The following TMC1 variants were observed in gnomAD, a reference collection of about 807,000 sequenced individuals.
TMC1 encodes transmembrane channel like 1.
TMC1 carries 84 observed loss-of-function variants against 105.8 expected under a neutral mutation model. That is an observed-to-expected ratio of 0.79 (90% CI 0.67 to 0.95). The LOEUF (loss-of-function observed/expected upper bound fraction) is 0.95. Among genes scored for constraint, TMC1 ranks in the 40% least tolerant of loss-of-function variants. The probability of loss-of-function intolerance (pLI) is 0.00; values close to 1 mark genes in which losing one functional copy is unlikely to be tolerated. For missense variants in TMC1, 817 were observed against 914.1 expected (o/e 0.89, Z 1.37); for synonymous variants, 315 against 311.5 (o/e 1.01, Z -0.12).
chr9:72,555,186 T>C (rs988296759), intron 1 of TMC1, among the ~76,000 whole-genome samples: 5 of 129,568 alleles, frequency 3.9e-5, no homozygotes, highest in African/African-American at 1.7e-4. Context: ...TTCTGAGTTT[T>C]GATTCTGTTT....
intron 8 of TMC1, among the ~76,000 whole-genome samples, chr9:72,721,329 T>C (rs1222247976): frequency 6.6e-6 from 1 of 152,200 alleles, no homozygotes; most frequent in Non-Finnish European, 1.5e-5. Flanking sequence ...CAGACTTGAC[T>C]CTTTCCCACA....
At chr9:72,814,465 G>A (rs1828751022) in intron 18 of TMC1, among the ~76,000 whole-genome samples, 1 of 152,116 alleles carries the variant, frequency 6.6e-6, no homozygotes, top group Non-Finnish European at 1.5e-5. Flanking sequence ...TGTGAACATT[G>A]CCCTTCTAGA....
intron 4 of TMC1, among the ~76,000 whole-genome samples, chr9:72,640,374 T>C (rs1366185195): frequency 6.6e-6 from 1 of 152,176 alleles, no homozygotes; most frequent in African/African-American, 2.4e-5. Flanking sequence ...TCCAGTGTAG[T>C]CATCACTCAT....
At chr9:72,621,394 A>G (rs1180436644) in intron 3 of TMC1, among the ~76,000 whole-genome samples, 5 of 152,092 alleles carry the variant, frequency 3.3e-5, no homozygotes, top group Admixed American at 3.3e-4. Context: ...CTTACAGGAG[A>G]CCTTTGACAT....
chr9:72,600,115 T>A (rs1052969406), intron 2 of TMC1, among the ~76,000 whole-genome samples: 2 of 152,174 alleles, frequency 1.3e-5, no homozygotes, highest in African/African-American at 4.8e-5. Context: ...GCCATTTAAG[T>A]CTTTTAAGCT....
chr9:72,603,255 T>A (rs1198272991), intron 2 of TMC1, among the ~76,000 whole-genome samples: 1 of 152,092 alleles, frequency 6.6e-6, no homozygotes, highest in Non-Finnish European at 1.5e-5. Context: ...AAACTACAAC[T>A]TCATGCCTGA....
At chr9:72,755,313 C>G (rs1163529913) in intron 12 of TMC1, among the ~76,000 whole-genome samples, 2 of 152,134 alleles carry the variant, frequency 1.3e-5, no homozygotes, top group Non-Finnish European at 2.9e-5. Context: ...TTTGGAAAAT[C>G]TTGTTGGATT....
intron 19 of TMC1, 148 bp downstream of exon 19, chr9:72,816,358 T>G (rs1828788368): frequency 1.4e-6 from 1 of 724,990 alleles, no homozygotes; most frequent in Non-Finnish European, 2.4e-6. Context: ...GTATATAGTT[T>G]CCTTTTCTTT....
At chr9:72,749,470 G>A (rs1029115217) in intron 10 of TMC1, among the ~76,000 whole-genome samples, 1 of 152,154 alleles carries the variant, frequency 6.6e-6, no homozygotes, top group Non-Finnish European at 1.5e-5. Context: ...CGTTACCAGA[G>A]AATGTAGATA....
chr9:72,571,809 T>C (rs1824290851), intron 1 of TMC1, among the ~76,000 whole-genome samples: 1 of 152,146 alleles, frequency 6.6e-6, no homozygotes, highest in East Asian at 1.9e-4. Flanking sequence ...AATATATTTT[T>C]GAGATTTATC....
At chr9:72,773,414 C>G (rs1827962275) in intron 13 of TMC1, among the ~76,000 whole-genome samples, 1 of 152,154 alleles carries the variant, frequency 6.6e-6, no homozygotes, top group East Asian at 1.9e-4. Context: ...CAGGAGCTCT[C>G]TGAAGCAGTC....
chr9:72,732,565 C>CAAA (rs57237757), intron 8 of TMC1, among the ~76,000 whole-genome samples: 3 of 88,052 alleles, frequency 3.4e-5, no homozygotes, highest in African/African-American at 1.3e-4. Context: ...GTCTCTGTCT[C>CAAA]AAAAAAAAAA....
chr9:72,674,487 G>T (rs898373473), intron 5 of TMC1, among the ~76,000 whole-genome samples: 1 of 152,196 alleles, frequency 6.6e-6, no homozygotes, highest in African/African-American at 2.4e-5. Flanking sequence ...CTAAAGGAAG[G>T]CAGCAGATGC....
intron 23 of TMC1, among the ~76,000 whole-genome samples, chr9:72,835,158 C>G (rs1193836330): frequency 1.3e-5 from 2 of 152,112 alleles, no homozygotes; most frequent in African/African-American, 4.8e-5. Context: ...CCAACCCCCT[C>G]AAAATTTCTT....
At chr9:72,741,682 A>C (rs1454998141) in intron 9 of TMC1, 1 of 153,656 alleles carries the variant, frequency 6.5e-6, no homozygotes, top group African/African-American at 2.4e-5. Flanking sequence ...TTTGAACTTC[A>C]GACTTGTCTC....
At chr9:72,760,571 C>G (rs1827740725) in intron 12 of TMC1, among the ~76,000 whole-genome samples, 1 of 151,954 alleles carries the variant, frequency 6.6e-6, no homozygotes, top group Non-Finnish European at 1.5e-5. Context: ...TCTCTTGGAT[C>G]CAAAGAGATG....
chr9:72,816,891 G>A (rs758580690), intron 19 of TMC1, among the ~76,000 whole-genome samples: 32 of 152,096 alleles, frequency 2.1e-4, no homozygotes, highest in Admixed American at 1.4e-3. Context: ...CACGACATCC[G>A]ATTCATCTGG....
chr9:72,806,557 G>C (rs200989405), intron 18 of TMC1, among the ~76,000 whole-genome samples: 3 of 144,776 alleles, frequency 2.1e-5, no homozygotes, highest in Non-Finnish European at 4.6e-5. Context: ...GGCAGTTGCC[G>C]GGCAGAGGGT....
chr9:72,764,283 T>G (rs1234709708), intron 12 of TMC1, among the ~76,000 whole-genome samples: 1 of 152,176 alleles, frequency 6.6e-6, no homozygotes, highest in African/African-American at 2.4e-5. Flanking sequence ...CACGTCTCGT[T>G]TCATGTATGA....
Sources: allele counts gnomAD v4.1 joint callset (sites outside exome capture counted in the v4.1 genomes callset), GRCh38; gene constraint gnomAD v4.1.1; transcripts MANE v1.5; gene names NCBI Gene and HGNC (gene_info 2026-07-23, HGNC 2026-07-21).